The following TIAM1 variants were observed in gnomAD, a reference collection of about 807,000 sequenced individuals.
TIAM1 encodes the protein rho guanine nucleotide exchange factor TIAM1.
A neutral mutation model predicts 163.5 loss-of-function variants in TIAM1; 65 were observed. The observed-to-expected ratio is 0.40, with a 90% CI of 0.33 to 0.49. The LOEUF is 0.49. Ranked by LOEUF, TIAM1 falls within the 20% of genes least tolerant of loss-of-function variation. The pLI is 0.77. For synonymous variants in TIAM1, 833 were observed against 810.1 expected (o/e 1.03, Z -0.48); for missense variants, 1,789 against 2,044.7 (o/e 0.87, Z 2.41).
chr21:31,482,578 A>G (rs950475907), intron 1 of TIAM1, among the ~76,000 whole-genome samples: 1 of 152,174 alleles, frequency 6.6e-6, no homozygotes, highest in Non-Finnish European at 1.5e-5. Flanking sequence ...AGGCAGTACC[A>G]GTTTGTTTTG....
At chr21:31,525,011 G>A (rs913652554) in intron 1 of TIAM1, among the ~76,000 whole-genome samples, 2 of 152,078 alleles carry the variant, frequency 1.3e-5, no homozygotes, top group African/African-American at 2.4e-5. Context: ...TTCCACTCAT[G>A]GTGGAAGGAA....
intron 2 of TIAM1, among the ~76,000 whole-genome samples, chr21:31,373,844 T>A (rs1475418583): frequency 6.6e-6 from 1 of 152,164 alleles, no homozygotes; most frequent in African/African-American, 2.4e-5. Flanking sequence ...CCCCATCGTT[T>A]AAATCAAAAT....
intron 2 of TIAM1, among the ~76,000 whole-genome samples, chr21:31,388,238 CACACACACACACACACACACA>C (rs1323111163): frequency 2.7e-5 from 3 of 110,698 alleles, no homozygotes; most frequent in Non-Finnish European, 2.0e-5. Context: ...CACACACACA[CACACACACACACACACACACA>C]ACCTCTTACG....
At chr21:31,355,821 G>A (rs1020278908) in intron 2 of TIAM1, among the ~76,000 whole-genome samples, 5 of 38,282 alleles carry the variant, frequency 1.3e-4, no homozygotes, top group African/African-American at 5.8e-4. Flanking sequence ...CAAAGTGCTG[G>A]GATTCAGGCG....
intron 12 of TIAM1, among the ~76,000 whole-genome samples, chr21:31,199,219 G>A (rs966553924): frequency 2.0e-5 from 3 of 152,092 alleles, no homozygotes; most frequent in African/African-American, 7.2e-5. Flanking sequence ...CTGAGCCACC[G>A]TCACGCTCTT....
chr21:31,366,642 AG>A (rs1173691120), intron 2 of TIAM1, among the ~76,000 whole-genome samples: 1 of 152,090 alleles, frequency 6.6e-6, no homozygotes, highest in Non-Finnish European at 1.5e-5. Flanking sequence ...TTTCAGACAG[AG>A]TCTTGCTCTG....
chr21:31,497,108 C>A (rs768545092), intron 1 of TIAM1, among the ~76,000 whole-genome samples: 1 of 152,142 alleles, frequency 6.6e-6, no homozygotes, highest in Non-Finnish European at 1.5e-5. Flanking sequence ...GGCCATTGAC[C>A]GGTATCGGTC....
intron 23 of TIAM1, among the ~76,000 whole-genome samples, chr21:31,134,523 T>A (rs1364046885): frequency 7.2e-5 from 11 of 152,186 alleles, no homozygotes; most frequent in Non-Finnish European, 1.0e-4. Context: ...TTTGTTTTGT[T>A]TTTTTGAGAC....
upstream of TIAM1, among the ~76,000 whole-genome samples, chr21:31,344,430 C>A (rs1330869456): frequency 6.6e-6 from 1 of 152,172 alleles, no homozygotes; most frequent in Non-Finnish European, 1.5e-5. Flanking sequence ...ACCCTCCCCA[C>A]CACATCCTTG....
At chr21:31,436,186 T>A (rs2044202015) in intron 2 of TIAM1, among the ~76,000 whole-genome samples, 1 of 152,144 alleles carries the variant, frequency 6.6e-6, no homozygotes, top group Non-Finnish European at 1.5e-5. Context: ...ATCTATTCAT[T>A]TATCAGCCTC....
At chr21:31,192,736 C>T (rs921636207) in intron 13 of TIAM1, among the ~76,000 whole-genome samples, 3 of 152,174 alleles carry the variant, frequency 2.0e-5, no homozygotes, top group Non-Finnish European at 4.4e-5. Context: ...AATCACACTT[C>T]AGTGCTCCCT....
intron 1 of TIAM1, among the ~76,000 whole-genome samples, chr21:31,539,521 G>T (rs181104706): frequency 0.015 from 2,306 of 151,158 alleles, 59 homozygotes; most frequent in African/African-American, 0.054. Context: ...CGTCTCAGCC[G>T]CCCAAAGTGC....
chr21:31,202,033 T>A (rs957252807), intron 12 of TIAM1, among the ~76,000 whole-genome samples: 6 of 152,152 alleles, frequency 3.9e-5, no homozygotes, highest in African/African-American at 7.2e-5. Flanking sequence ...TAAGCAGGTC[T>A]GATTCAGAAC....
chr21:31,483,787 T>C (rs1330998276), intron 1 of TIAM1, among the ~76,000 whole-genome samples: 1 of 151,942 alleles, frequency 6.6e-6, no homozygotes, highest in Non-Finnish European at 1.5e-5. Context: ...CTTGTCCCCA[T>C]CTGGTGGGAA....
At position 31,482,060 on chromosome 21, in the gene TIAM1, A is replaced by AGTGTGTGTGTGTGTGTGT. The variant is rs10523425; in HGVS notation, c.-421-18043_-421-18026dup. ...AACTGTGTGCCAGGAACTGGGACAA[A>AGTGTGTGTGTGTGTGTGT]GTGTGTGTGTGTGTGTGTGTGTGTG... On this transcript the variant is annotated intron_variant, in intron 1 of 28. Transcript: ENST00000286827. 1.1e-3 allele frequency among the ~76,000 whole-genome samples: 159 copies of AGTGTGTGTGTGTGTGTGT among 145,704 alleles called. 2 individuals carry two copies. The highest frequency in any genetic ancestry group is 3.2e-3 in the African/African-American group (124 of 38,626).
chr21:31,318,186 C>T (rs1217239707), intron 2 of TIAM1, among the ~76,000 whole-genome samples: 1 of 152,214 alleles, frequency 6.6e-6, no homozygotes, highest in East Asian at 1.9e-4. Context: ...CAACTTCTGC[C>T]TCCCAGGCTC....
intron 3 of TIAM1, among the ~76,000 whole-genome samples, chr21:31,268,509 T>A (rs905927545): frequency 2.6e-5 from 4 of 152,240 alleles, no homozygotes; most frequent in African/African-American, 4.8e-5. Flanking sequence ...AAACCCTCCA[T>A]TGAATGTTCC....
intron 2 of TIAM1, among the ~76,000 whole-genome samples, chr21:31,401,675 C>G (rs1255250732): frequency 1.3e-5 from 2 of 152,110 alleles, no homozygotes; most frequent in Non-Finnish European, 2.9e-5. Context: ...GTAATCCCAG[C>G]ACTTTGAAAG....
At chr21:31,340,736 C>G (rs2075989224) in intron 1 of TIAM1, among the ~76,000 whole-genome samples, 1 of 151,960 alleles carries the variant, frequency 6.6e-6, no homozygotes, top group South Asian at 2.1e-4. Flanking sequence ...TAACTTACAT[C>G]TCAGTCGCTG....
Sources: gnomAD v4.1 joint callset for allele counts (sites outside exome capture counted in the v4.1 genomes callset) on GRCh38, gnomAD v4.1.1 for gene constraint, MANE v1.5 for transcripts, NCBI Gene and HGNC (gene_info 2026-07-23, HGNC 2026-07-21) for gene names.